TRAF3: variants seen among roughly 807,000 people sequenced by gnomAD.
TRAF3 encodes the protein TNF receptor-associated factor 3.
TRAF3 carries 13 observed loss-of-function variants against 62.3 expected under a neutral mutation model. The ratio of observed to expected loss-of-function variants is 0.21; its 90% CI spans 0.14 to 0.33. TRAF3 has a LOEUF of 0.33. Ranked by LOEUF, TRAF3 falls within the 10% of genes least tolerant of loss-of-function variation. TRAF3 has a pLI of 1.00. For synonymous variants in TRAF3, 269 were observed against 283.4 expected (o/e 0.95, Z 0.51); for missense variants, 440 against 741.8 (o/e 0.59, Z 4.73).
chr14:102,854,243 T>G (rs984923825), intron 2 of TRAF3, among the ~76,000 whole-genome samples: 3 of 152,220 alleles, frequency 2.0e-5, no homozygotes, highest in African/African-American at 7.2e-5. Flanking sequence ...AGTGCTGCTG[T>G]GAACGTTTGT....
intron 2 of TRAF3, among the ~76,000 whole-genome samples, chr14:102,854,672 A>AT (rs964714744): frequency 9.9e-5 from 15 of 151,220 alleles, no homozygotes; most frequent in East Asian, 3.9e-4. Flanking sequence ...TATTTTTTGT[A>AT]TTTTTTTGTA....
At chr14:102,865,263 G>A (rs555712811) in intron 2 of TRAF3, among the ~76,000 whole-genome samples, 1 of 152,202 alleles carries the variant, frequency 6.6e-6, no homozygotes, top group Admixed American at 6.5e-5. Context: ...AGAAGGTCAC[G>A]GGGCTGCCGG....
intron 4 of TRAF3, 138 bp from the exon 5 acceptor site, chr14:102,875,486 G>A (rs1006675001): frequency 1.5e-6 from 1 of 666,192 alleles, no homozygotes; most frequent in Non-Finnish European, 2.6e-6. Flanking sequence ...AATCAAGATG[G>A]TCCTTAATGC....
At chr14:102,867,780 A>G (rs936117852) in intron 2 of TRAF3, among the ~76,000 whole-genome samples, 1 of 152,234 alleles carries the variant, frequency 6.6e-6, no homozygotes, top group Non-Finnish European at 1.5e-5. Context: ...GTTTGTAAGC[A>G]AATGACATCT....
intron 9 of TRAF3, chr14:102,894,947 C>G: frequency 2.8e-6 from 1 of 352,310 alleles, no homozygotes; most frequent in South Asian, 2.2e-5. Context: ...AGTGGTCCGT[C>G]TGCCTCAGCC....
At chr14:102,860,178 CAG>C (rs1338094401) in intron 2 of TRAF3, among the ~76,000 whole-genome samples, 1 of 152,228 alleles carries the variant, frequency 6.6e-6, no homozygotes, top group African/African-American at 2.4e-5. Context: ...GTATCCCCCA[CAG>C]TGCCATTTAG....
chr14:102,795,398 A>G (rs62008982), intron 1 of TRAF3, among the ~76,000 whole-genome samples: 77,647 of 152,026 alleles, frequency 0.51, 22,524 homozygotes, highest in South Asian at 0.73. Flanking sequence ...TTGTACCTCT[A>G]TGGAGAACCC....
At chr14:102,832,196 G>A (rs1566762354) in intron 2 of TRAF3, among the ~76,000 whole-genome samples, 1 of 152,190 alleles carries the variant, frequency 6.6e-6, no homozygotes, top group Non-Finnish European at 1.5e-5. Flanking sequence ...ATTAGCAAGT[G>A]TAAAGATAAA....
intron 2 of TRAF3, among the ~76,000 whole-genome samples, chr14:102,859,998 A>G (rs1887589595): frequency 2.0e-5 from 3 of 152,190 alleles, no homozygotes; most frequent in African/African-American, 4.8e-5. Context: ...CAACAGTGCA[A>G]TGATTTTACC....
chr14:102,884,153 C>T, intron 6 of TRAF3, among the ~76,000 whole-genome samples: 1 of 152,056 alleles, frequency 6.6e-6, no homozygotes, highest in Non-Finnish European at 1.5e-5. Context: ...GGGAAGGCTT[C>T]CCTGCCCCTC....
chr14:102,778,750 T>G (rs537384510), intron 1 of TRAF3, among the ~76,000 whole-genome samples: 5 of 152,326 alleles, frequency 3.3e-5, no homozygotes, highest in African/African-American at 1.2e-4. Flanking sequence ...GACTACACAC[T>G]GCCGGAGCGT....
At chr14:102,844,721 A>C (rs1886588645) in intron 2 of TRAF3, among the ~76,000 whole-genome samples, 1 of 152,142 alleles carries the variant, frequency 6.6e-6, no homozygotes. Flanking sequence ...TCTTTATTCA[A>C]AATTATGATG....
intron 1 of TRAF3, among the ~76,000 whole-genome samples, chr14:102,822,115 TTTAA>T (rs975632542): frequency 7.9e-5 from 12 of 152,196 alleles, no homozygotes; most frequent in Non-Finnish European, 1.8e-4. Context: ...TTTTATGTGT[TTTAA>T]TTGTTTAAAT....
rs1372913789 is a variant in TRAF3 at position 102,846,003 on chromosome 14, AAAAAAAT to A, written c.-18+15533_-18+15539del. Among the ~76,000 whole-genome samples, 150 of 147,444 alleles carry A rather than the reference AAAAAAAT, an allele frequency of 1.0e-3. 4 individuals carry two copies. The highest frequency in any genetic ancestry group is 4.9e-3 in the East Asian group (25 of 5,082). On this transcript the variant is annotated intron_variant, in intron 2 of 11. Coordinates refer to ENST00000392745, the MANE Select transcript of TRAF3 (RefSeq NM_145725.3). ...CTCAAAAAAAAAAAAAAAAAAAAAA[AAAAAAAT>A]ACTATTATACCGCTGTTCAGTTAGC... is the stretch of plus-strand genomic sequence containing the variant.
chr14:102,890,644 A>G (rs184722644), intron 8 of TRAF3, among the ~76,000 whole-genome samples: 73 of 152,372 alleles, frequency 4.8e-4, no homozygotes, highest in Non-Finnish European at 8.8e-4. Context: ...ATTTTCTAAT[A>G]GCAAAACAAA....
chr14:102,778,056 G>C (rs1015658757), intron 1 of TRAF3, among the ~76,000 whole-genome samples: 5 of 150,504 alleles, frequency 3.3e-5, no homozygotes, highest in Non-Finnish European at 5.9e-5. Flanking sequence ...GTTTCACGCG[G>C]GGGGACGGGC....
chr14:102,891,265 C>A, intron 8 of TRAF3, 60 bp from the exon 9 acceptor site: 1 of 1,497,020 alleles, frequency 6.7e-7, no homozygotes, highest in Non-Finnish European at 9.2e-7. Context: ...GTATGTTAGC[C>A]GTTCTGCCCT....
At chr14:102,803,428 G>C (rs1898570049) in intron 1 of TRAF3, among the ~76,000 whole-genome samples, 1 of 152,168 alleles carries the variant, frequency 6.6e-6, no homozygotes, top group Admixed American at 6.5e-5. Context: ...CCTTCCGTGT[G>C]TCTCAGTTCT....
intron 9 of TRAF3, among the ~76,000 whole-genome samples, chr14:102,892,928 A>G (rs1451544702): frequency 2.0e-5 from 3 of 152,230 alleles, no homozygotes; most frequent in Non-Finnish European, 4.4e-5. Context: ...AGCATAGAGC[A>G]TCTGCTCTGA....
Sources: gnomAD v4.1 joint callset for allele counts (sites outside exome capture counted in the v4.1 genomes callset) on GRCh38, gnomAD v4.1.1 for gene constraint, MANE v1.5 for transcripts, NCBI Gene and HGNC (gene_info 2026-07-23, HGNC 2026-07-21) for gene names.